CDH13: variants seen among roughly 807,000 people sequenced by gnomAD.
CDH13 encodes cadherin-13.
Under a neutral mutation model 63.8 loss-of-function variants are expected in CDH13, and 24 were observed. The ratio of observed to expected loss-of-function variants is 0.38; its 90% CI spans 0.27 to 0.53. The LOEUF is 0.53. CDH13 is among the 20% of genes least tolerant of loss of function. The pLI, the probability that CDH13 is intolerant of heterozygous loss-of-function variation, is 0.85. For missense variants in CDH13, 1,049 were observed against 903.1 expected, an observed-to-expected ratio of 1.16 and a Z score of -2.07; for synonymous variants, 503 against 355.3, an observed-to-expected ratio of 1.42 and a Z score of -4.67.
intron 1 of CDH13, among the ~76,000 whole-genome samples, chr16:82,638,934 T>C (rs1023905931): frequency 6.8e-6 from 1 of 146,884 alleles, no homozygotes; most frequent in African/African-American, 2.5e-5. Flanking sequence ...ACCCATGTTA[T>C]CTGGAATCCT....
At chr16:82,900,167 C>A (rs11863075) in intron 2 of CDH13, among the ~76,000 whole-genome samples, 50,776 of 152,050 alleles carry the variant, frequency 0.33, 8,776 homozygotes, top group Non-Finnish European at 0.37. Flanking sequence ...TCTTGCTGGG[C>A]CCCTTTTAGA....
At chr16:82,900,952 T>C (rs752618364) in intron 2 of CDH13, among the ~76,000 whole-genome samples, 11 of 152,288 alleles carry the variant, frequency 7.2e-5, no homozygotes, top group Non-Finnish European at 1.3e-4. Context: ...CCTTCATGGA[T>C]AAAGGAACTT....
At chr16:83,215,670 G>A (rs112246389) in intron 4 of CDH13, among the ~76,000 whole-genome samples, 27 of 152,048 alleles carry the variant, frequency 1.8e-4, no homozygotes, top group African/African-American at 6.5e-4. Flanking sequence ...GGGCGGGCAG[G>A]ACCCATTTTG....
chr16:83,468,632 T>C (rs1165468661), intron 6 of CDH13, among the ~76,000 whole-genome samples: 1 of 152,214 alleles, frequency 6.6e-6, no homozygotes, highest in African/African-American at 2.4e-5. Flanking sequence ...CTTTCCTAGA[T>C]AATAACTCAA....
At chr16:83,286,109 C>T (rs2089306230) in intron 5 of CDH13, among the ~76,000 whole-genome samples, 1 of 152,156 alleles carries the variant, frequency 6.6e-6, no homozygotes, top group Admixed American at 6.5e-5. Context: ...GAGCAACGTT[C>T]CTGCTTCAGC....
At chr16:83,094,566 G>C (rs539529771) in intron 3 of CDH13, among the ~76,000 whole-genome samples, 2 of 152,252 alleles carry the variant, frequency 1.3e-5, no homozygotes, top group South Asian at 4.1e-4. Flanking sequence ...GTATAATCTT[G>C]GGAGAGGTGC....
intron 1 of CDH13, among the ~76,000 whole-genome samples, chr16:82,641,262 C>T (rs1339020167): frequency 6.6e-6 from 1 of 152,168 alleles, no homozygotes; most frequent in Admixed American, 6.5e-5. Flanking sequence ...CCCTGCTGAG[C>T]CTTTGCTGTC....
At chr16:83,062,503 T>C (rs1057138224) in intron 3 of CDH13, among the ~76,000 whole-genome samples, 1 of 152,168 alleles carries the variant, frequency 6.6e-6, no homozygotes, top group Non-Finnish European at 1.5e-5. Context: ...TCTTGTGATG[T>C]CTCATGGTCC....
At chr16:83,512,980 C>T (rs1426746730) in intron 7 of CDH13, among the ~76,000 whole-genome samples, 1 of 150,858 alleles carries the variant, frequency 6.6e-6, no homozygotes, top group African/African-American at 2.4e-5. Context: ...CCTGGGCAGT[C>T]AGCTAAATCC....
intron 5 of CDH13, among the ~76,000 whole-genome samples, chr16:83,297,543 C>G (rs2089631543): frequency 6.6e-6 from 1 of 152,080 alleles, no homozygotes. Flanking sequence ...TTGTTTCTCA[C>G]TGAACACTTT....
At chr16:83,564,932 TTGTTTTGTTTG>T (rs2075766931) in intron 7 of CDH13, among the ~76,000 whole-genome samples, 1 of 152,156 alleles carries the variant, frequency 6.6e-6, no homozygotes, top group African/African-American at 2.4e-5. Context: ...GTTGTTGTTG[TTGTTTTGTTTG>T]TTTGTTTGTT....
chr16:83,570,307 T>C (rs1264604365), intron 7 of CDH13, among the ~76,000 whole-genome samples: 1 of 152,142 alleles, frequency 6.6e-6, no homozygotes, highest in Non-Finnish European at 1.5e-5. Flanking sequence ...ATGGGGTCTT[T>C]TCTGTCTGTT....
chr16:83,568,570 G>C (rs893300007), intron 7 of CDH13, among the ~76,000 whole-genome samples: 2 of 152,170 alleles, frequency 1.3e-5, no homozygotes, highest in Non-Finnish European at 2.9e-5. Context: ...TAACCCAACG[G>C]AGTAAATCTG....
chr16:83,002,490 A>G (rs1655990898), intron 2 of CDH13, among the ~76,000 whole-genome samples: 1 of 152,238 alleles, frequency 6.6e-6, no homozygotes, highest in Admixed American at 6.5e-5. Flanking sequence ...GTTTTAAGCC[A>G]CAAAGCTTAT....
At chr16:83,278,392 C>T (rs373114172) in intron 5 of CDH13, among the ~76,000 whole-genome samples, 18 of 152,270 alleles carry the variant, frequency 1.2e-4, no homozygotes, top group African/African-American at 4.3e-4. Flanking sequence ...CAAGACAACC[C>T]TCTGAAATGG....
intron 6 of CDH13, among the ~76,000 whole-genome samples, chr16:83,359,609 T>C (rs2091123735): frequency 6.6e-6 from 1 of 152,222 alleles, no homozygotes; most frequent in African/African-American, 2.4e-5. Flanking sequence ...GGCAGCACTT[T>C]GTACGAGTTT....
At chr16:82,734,894 T>G (rs2033592183) in intron 1 of CDH13, among the ~76,000 whole-genome samples, 1 of 152,182 alleles carries the variant, frequency 6.6e-6, no homozygotes, top group Non-Finnish European at 1.5e-5. Flanking sequence ...TCCCAGCAGC[T>G]GGTGCCATGG....
intron 4 of CDH13, among the ~76,000 whole-genome samples, chr16:83,145,503 C>T (rs1456753384): frequency 1.3e-5 from 2 of 152,326 alleles, no homozygotes; most frequent in Admixed American, 6.5e-5. Flanking sequence ...ATTATTTTTA[C>T]ACTGGCTTAA....
At chr16:82,838,460 T>C (rs1312398961) in intron 1 of CDH13, among the ~76,000 whole-genome samples, 1 of 152,238 alleles carries the variant, frequency 6.6e-6, no homozygotes, top group Non-Finnish European at 1.5e-5. Context: ...ACACCCTTCC[T>C]GTTTATTGAC....
Sources: allele counts gnomAD v4.1 joint callset (sites outside exome capture counted in the v4.1 genomes callset), GRCh38; gene constraint gnomAD v4.1.1; transcripts MANE v1.5; gene names NCBI Gene and HGNC (gene_info 2026-07-23, HGNC 2026-07-21).